The following SGCD variants were observed in gnomAD, a reference collection of about 807,000 sequenced individuals.
SGCD encodes the protein sarcoglycan delta.
In SGCD, 18 loss-of-function variants were observed where a neutral mutation model predicts 36.6. The observed-to-expected ratio is 0.49, with a 90% CI of 0.34 to 0.73. The LOEUF is 0.73. SGCD is among the 30% of genes least tolerant of loss of function. The pLI, the probability that SGCD is intolerant of heterozygous loss-of-function variation, is 0.01. For missense variants in SGCD, 387 were observed against 346.7 expected (o/e 1.12, Z -0.92); for synonymous variants, 133 against 130.6 (o/e 1.02, Z -0.12).
intron 1 of SGCD, among the ~76,000 whole-genome samples, chr5:156,081,175 T>C (rs1561711626): frequency 6.6e-6 from 1 of 152,052 alleles, no homozygotes; most frequent in African/African-American, 2.4e-5. Context: ...AGAGAGGCAG[T>C]AAGAGAGAGA....
At position 156,650,858 on chromosome 5, in the gene SGCD, T is replaced by A. The variant is rs568001751; in HGVS notation, c.575+3322T>A. Reference sequence around the variant, plus strand: ...TTTGGGTATATACCCAGTAATGGGATTGCTCGGTCAGTTAGTAATTGCGTT... The same window carrying A: ...TTTGGGTATATACCCAGTAATGGGAATGCTCGGTCAGTTAGTAATTGCGTT... On this transcript the variant is annotated intron_variant, in intron 7 of 8. Transcript: ENST00000337851. Among the ~76,000 whole-genome samples, 3 of 152,320 alleles carry A rather than the reference T, an allele frequency of 2.0e-5. No individual in the cohort carries two copies. In the South Asian group the frequency reaches 6.2e-4, roughly 32 times the overall value.
rs183448591 is a variant in SGCD at position 155,913,634 on chromosome 5, A to T, written c.-282+43210A>T. Among the ~76,000 whole-genome samples the T allele has an allele frequency of 1.5e-4, 23 of 152,298 alleles. No homozygotes were observed. The East Asian group carries it at 4.2e-3, about 28-fold the overall frequency. On this transcript the variant is annotated intron_variant, in intron 1 of 9. Coordinates refer to the SGCD transcript ENST00000517913. ...TATTTCTAGTTTCTGTTTTTAGATT[A>T]TATAATTACCTTGAGAGTCAGAAAA...
intron 3 of SGCD, among the ~76,000 whole-genome samples, chr5:156,139,909 C>T (rs2127609851): frequency 6.6e-6 from 1 of 152,260 alleles, no homozygotes; most frequent in East Asian, 1.9e-4. Flanking sequence ...GAGATTGACA[C>T]CTTTGTAAAA....
At chr5:156,348,500 A>G (rs568905652) in intron 3 of SGCD, among the ~76,000 whole-genome samples, 4 of 152,298 alleles carry the variant, frequency 2.6e-5, no homozygotes, top group African/African-American at 4.8e-5. Flanking sequence ...AATCTCTTTT[A>G]TAATAGCTAC....
intron 6 of SGCD, among the ~76,000 whole-genome samples, chr5:156,637,385 C>A (rs1037816483): frequency 2.0e-5 from 3 of 152,140 alleles, no homozygotes; most frequent in African/African-American, 7.2e-5. Flanking sequence ...CAGTTGCTGG[C>A]AGCTTCATGG....
intron 3 of SGCD, among the ~76,000 whole-genome samples, chr5:156,201,179 T>A (rs1449996230): frequency 6.6e-6 from 1 of 152,194 alleles, no homozygotes; most frequent in African/African-American, 2.4e-5. Flanking sequence ...ACAATGTGAA[T>A]ACATTTAACG....
chr5:156,407,197 A>G lies in SGCD; in HGVS notation c.192+62520A>G, dbSNP rs1025673516. Among the ~76,000 whole-genome samples the G allele has an allele frequency of 1.4e-3, 215 of 152,260 alleles. 1 individual carries two copies. The highest frequency in any genetic ancestry group is 5.0e-3 in the African/African-American group (208 of 41,542). ...GACATACCCAGGAATAATACTTTGC[A>G]TCCTTCAATCCAAGCAAGTTCACAC... On this transcript the variant is annotated intron_variant, in intron 3 of 8. Coordinates refer to ENST00000337851, the MANE Select transcript of SGCD (RefSeq NM_000337.6).
At chr5:156,065,318 T>C (rs1760312222) in intron 1 of SGCD, among the ~76,000 whole-genome samples, 1 of 84,846 alleles carries the variant, frequency 1.2e-5, no homozygotes, top group Admixed American at 1.2e-4. Context: ...TTATAATTTC[T>C]GTTCTTTTAC....
intron 7 of SGCD, among the ~76,000 whole-genome samples, chr5:156,676,160 T>G (rs1204722758): frequency 6.6e-6 from 1 of 152,228 alleles, no homozygotes; most frequent in Admixed American, 6.5e-5. Context: ...GATCCTCCAT[T>G]AAGTTGTGCC....
the SGCD span, among the ~76,000 whole-genome samples, chr5:155,827,367 G>T: frequency 2.0e-5 from 3 of 152,150 alleles, no homozygotes; most frequent in Non-Finnish European, 4.4e-5. Context: ...AGTGACCCAG[G>T]TTTCTTGTAT....
At chr5:156,409,278 A>G (rs955565136) in intron 3 of SGCD, among the ~76,000 whole-genome samples, 2 of 151,598 alleles carry the variant, frequency 1.3e-5, no homozygotes. Context: ...CCCTTTGTTC[A>G]TTTTTCTTCT....
chr5:156,443,398 C>T (rs1415158448), intron 3 of SGCD, among the ~76,000 whole-genome samples: 2 of 152,134 alleles, frequency 1.3e-5, no homozygotes, highest in East Asian at 3.9e-4. Flanking sequence ...AATAGTTTTG[C>T]CAACATGAAT....
At chr5:156,496,392 A>G (rs955601532) in intron 3 of SGCD, among the ~76,000 whole-genome samples, 4 of 152,032 alleles carry the variant, frequency 2.6e-5, no homozygotes, top group Non-Finnish European at 5.9e-5. Context: ...ATGCTGACCT[A>G]ACTGTTTTCT....
intron 3 of SGCD, among the ~76,000 whole-genome samples, chr5:156,382,527 C>A (rs1020896045): frequency 6.6e-6 from 1 of 152,002 alleles, no homozygotes; most frequent in Non-Finnish European, 1.5e-5. Flanking sequence ...ATACAAATTC[C>A]GATAGTTATT....
chr5:156,617,247 A>C (rs1282608691), intron 6 of SGCD, among the ~76,000 whole-genome samples: 1 of 152,254 alleles, frequency 6.6e-6, no homozygotes, highest in Non-Finnish European at 1.5e-5. Context: ...TGTAGTAAAA[A>C]GAAGCAGGGG....
At chr5:156,367,800 T>A (rs182467345) in intron 3 of SGCD, among the ~76,000 whole-genome samples, 1 of 152,180 alleles carries the variant, frequency 6.6e-6, no homozygotes, top group East Asian at 1.9e-4. Context: ...GTGGTTGTGT[T>A]GTAAGCTAGG....
At chr5:156,605,434 A>T (rs1347787563) in intron 6 of SGCD, among the ~76,000 whole-genome samples, 4 of 152,168 alleles carry the variant, frequency 2.6e-5, no homozygotes, top group African/African-American at 9.7e-5. Flanking sequence ...ACATTTTCTT[A>T]ATCCAGTCTA....
chr5:156,428,188 A>G (rs1001536508), intron 3 of SGCD, among the ~76,000 whole-genome samples: 1 of 151,820 alleles, frequency 6.6e-6, no homozygotes, highest in African/African-American at 2.4e-5. Context: ...TTGGTAGGTA[A>G]TTTTTAAATT....
chr5:155,806,542 T>C, the SGCD span, among the ~76,000 whole-genome samples: 1 of 152,234 alleles, frequency 6.6e-6, no homozygotes, highest in Non-Finnish European at 1.5e-5. Flanking sequence ...AAAATATTCT[T>C]TTCCTACTTC....
Sources: allele counts gnomAD v4.1 joint callset (sites outside exome capture counted in the v4.1 genomes callset), GRCh38; gene constraint gnomAD v4.1.1; transcripts MANE v1.5; gene names NCBI Gene and HGNC (gene_info 2026-07-23, HGNC 2026-07-21).